The following RIN2 variants were observed in gnomAD, a reference collection of about 807,000 sequenced individuals.
RIN2 encodes the protein Ras and Rab interactor 2, also known as RAB5 interacting protein 2.
RIN2 carries 36 observed loss-of-function variants against 78.0 expected under a neutral mutation model. The observed-to-expected ratio is 0.46, with a 90% CI of 0.35 to 0.61. The LOEUF is 0.61. Ranked by LOEUF, RIN2 falls within the 20% of genes least tolerant of loss-of-function variation. The probability of loss-of-function intolerance (pLI) is 0.00; values close to 1 mark genes in which losing one functional copy is unlikely to be tolerated. For missense variants in RIN2, 1,087 were observed against 1,159.7 expected, an observed-to-expected ratio of 0.94 and a Z score of 0.91; for synonymous variants, 466 against 466.8, an observed-to-expected ratio of 1.00 and a Z score of 0.02.
At position 19,860,614 on chromosome 20, in the gene RIN2, C is replaced by A. The variant is rs553904274; in HGVS notation, c.-36-28952C>A. Among the ~76,000 whole-genome samples, 87 of 152,316 alleles carry A rather than the reference C, an allele frequency of 5.7e-4. 1 individual carries two copies. In the South Asian group the frequency reaches 9.1e-3, roughly 16 times the overall value. ...CTGGGATTACAGGCATGAGCCACTG[C>A]ACCTGGCCGGTTAATTCTAAGCTAA... On this transcript the variant is annotated intron_variant, in intron 2 of 12. Coordinates refer to ENST00000255006, the MANE Select transcript of RIN2 (RefSeq NM_018993.4).
chr20:19,939,076 T>C, intron 4 of RIN2, among the ~76,000 whole-genome samples: 1 of 152,202 alleles, frequency 6.6e-6, no homozygotes, highest in Non-Finnish European at 1.5e-5. Context: ...AGAATCTCGC[T>C]CTGTTGCCTA....
At chr20:19,862,947 C>T (rs550031378) in intron 2 of RIN2, among the ~76,000 whole-genome samples, 1 of 152,290 alleles carries the variant, frequency 6.6e-6, no homozygotes, top group Admixed American at 6.5e-5. Context: ...AGCGTGGAGC[C>T]AGCAGACTTG....
intron 2 of RIN2, among the ~76,000 whole-genome samples, chr20:19,860,623 G>A (rs546059728): frequency 3.9e-5 from 6 of 152,144 alleles, no homozygotes; most frequent in Non-Finnish European, 7.4e-5. Flanking sequence ...GCACCTGGCC[G>A]GTTAATTCTA....
chr20:19,791,460 C>T (rs1203984954), intron 1 of RIN2, among the ~76,000 whole-genome samples: 2 of 152,248 alleles, frequency 1.3e-5, no homozygotes, highest in Non-Finnish European at 1.5e-5. Context: ...TGAAAGAATA[C>T]CTGATCCACC....
At chr20:19,808,634 C>T (rs1419407102) in intron 2 of RIN2, among the ~76,000 whole-genome samples, 1 of 152,196 alleles carries the variant, frequency 6.6e-6, no homozygotes, top group Non-Finnish European at 1.5e-5. Context: ...GTGTCAGAGA[C>T]AGAACACTCC....
chr20:19,887,913 G>A (rs892239553), intron 2 of RIN2, among the ~76,000 whole-genome samples: 3 of 152,170 alleles, frequency 2.0e-5, no homozygotes, highest in Non-Finnish European at 4.4e-5. Context: ...GGTCTAAACA[G>A]GTCATGGTTT....
At chr20:19,810,302 G>T (rs1050067900) in intron 2 of RIN2, among the ~76,000 whole-genome samples, 1 of 151,922 alleles carries the variant, frequency 6.6e-6, no homozygotes, top group Non-Finnish European at 1.5e-5. Context: ...CAGCTACTTG[G>T]GAGGCTGAGG....
chr20:19,823,359 G>C, intron 2 of RIN2: 1 of 608,896 alleles, frequency 1.6e-6, no homozygotes, highest in Non-Finnish European at 2.9e-6. Context: ...GAGCAAGTGA[G>C]TGAATGGTGG....
Position 19,914,292 on chromosome 20 carries a change from G to T in RIN2, c.58-20807G>T, listed in dbSNP as rs147248087. On this transcript the variant is annotated intron_variant, in intron 3 of 12. Coordinates refer to ENST00000255006, the MANE Select transcript of RIN2 (RefSeq NM_018993.4). Reference sequence around the variant, plus strand: ...TATCTTATGCTTCTTTTGGTGTCTAGTTAGGCTATTACCCTAAAGGTAGCA... The same window carrying T: ...TATCTTATGCTTCTTTTGGTGTCTATTTAGGCTATTACCCTAAAGGTAGCA... Among the ~76,000 whole-genome samples the T allele has an allele frequency of 3.3e-3, 501 of 152,234 alleles. 3 individuals are homozygous for T. Among genetic ancestry groups the T allele is most frequent in the Non-Finnish European group, 5.6e-3 (379 of 68,016 alleles).
intron 4 of RIN2, among the ~76,000 whole-genome samples, chr20:19,944,321 T>C (rs1055667381): frequency 1.2e-4 from 19 of 152,200 alleles, no homozygotes; most frequent in Non-Finnish European, 2.4e-4. Context: ...CCAACCCCGC[T>C]AAGTCCTGGC....
intron 4 of RIN2, among the ~76,000 whole-genome samples, chr20:19,953,483 A>G (rs904424392): frequency 1.3e-5 from 2 of 151,626 alleles, no homozygotes; most frequent in Non-Finnish European, 2.9e-5. Flanking sequence ...TCTGTTGCCC[A>G]GCCTGGAGTG....
chr20:19,766,653 G>A (rs904696550), intron 1 of RIN2, among the ~76,000 whole-genome samples: 2 of 152,098 alleles, frequency 1.3e-5, no homozygotes, highest in African/African-American at 2.4e-5. Context: ...GGGTGTGATG[G>A]CTCACACCTG....
intron 1 of RIN2, among the ~76,000 whole-genome samples, chr20:19,798,647 T>C (rs895396916): frequency 6.6e-6 from 1 of 152,062 alleles, no homozygotes. Flanking sequence ...TGTGTGCATG[T>C]GTGTTTGTGT....
intron 2 of RIN2, among the ~76,000 whole-genome samples, chr20:19,802,074 C>T (rs1475012546): frequency 6.6e-6 from 1 of 152,172 alleles, no homozygotes; most frequent in Non-Finnish European, 1.5e-5. Context: ...AGGGGAAAAG[C>T]CAATATATAA....
intron 3 of RIN2, among the ~76,000 whole-genome samples, chr20:19,893,266 C>G (rs1308644918): frequency 6.6e-6 from 1 of 152,162 alleles, no homozygotes; most frequent in Non-Finnish European, 1.5e-5. Flanking sequence ...CAACGCACTT[C>G]TCAGCAGATA....
intron 1 of RIN2, among the ~76,000 whole-genome samples, chr20:19,795,820 A>G (rs1386666433): frequency 2.6e-5 from 4 of 152,178 alleles, no homozygotes; most frequent in Non-Finnish European, 5.9e-5. Flanking sequence ...AGCACCCCCA[A>G]ACAACACACA....
chr20:19,929,525 C>T (rs1036260039), intron 3 of RIN2, among the ~76,000 whole-genome samples: 4 of 152,050 alleles, frequency 2.6e-5, no homozygotes, highest in Non-Finnish European at 2.9e-5. Flanking sequence ...CCATACCCAG[C>T]GAATTTTTGC....
chr20:19,868,297 C>G (rs1032972092), intron 2 of RIN2, among the ~76,000 whole-genome samples: 2 of 152,234 alleles, frequency 1.3e-5, no homozygotes, highest in Admixed American at 6.5e-5. Context: ...TTGGGACATA[C>G]GCGCTTTCCA....
rs781566546 is a variant in RIN2, at chr20:19,970,918, A to C, written c.617A>C (p.Gln206Pro). 6.2e-7 allele frequency: 1 copy of C among 1,612,308 alleles called. No homozygotes were observed. Among genetic ancestry groups the C allele is most frequent in the East Asian group, 2.2e-5 (1 of 44,864 alleles). The change falls in exon 8 of 13, where the codon CAG (glutamine) becomes CCG (proline). Residue 206 changes from glutamine to proline, a missense_variant. Gln to Pro is a moderately conservative substitution (Grantham distance 76, BLOSUM62 -1). Coordinates refer to ENST00000255006, the MANE Select transcript of RIN2 (RefSeq NM_018993.4). ...GAGGCTCAGCTTGAAGAACTGGCCCAGATGGGACTAAGTAAGTGTGTGCCC... is the reference window on the plus strand; with the variant it reads ...GAGGCTCAGCTTGAAGAACTGGCCCCGATGGGACTAAGTAAGTGTGTGCCC... ...KSEAQLEELAQMGLNFWSSPA... is the reference protein window; with the variant it reads ...KSEAQLEELAPMGLNFWSSPA...
Sources: gnomAD v4.1 joint callset for allele counts (sites outside exome capture counted in the v4.1 genomes callset) on GRCh38, gnomAD v4.1.1 for gene constraint, MANE v1.5 for transcripts, NCBI Gene and HGNC (gene_info 2026-07-23, HGNC 2026-07-21) for gene names.